SH3GL2: variants seen among roughly 807,000 people sequenced by gnomAD.
SH3GL2 encodes endophilin-A1.
SH3GL2 carries 24 observed loss-of-function variants against 46.0 expected under a neutral mutation model. That is an observed-to-expected ratio of 0.52 (90% CI 0.38 to 0.73). SH3GL2 has a LOEUF of 0.73. Among genes scored for constraint, SH3GL2 ranks in the 30% least tolerant of loss-of-function variants. The probability of loss-of-function intolerance (pLI) is 0.00; values close to 1 mark genes in which losing one functional copy is unlikely to be tolerated. For missense variants in SH3GL2, 413 were observed against 424.2 expected, an observed-to-expected ratio of 0.97 and a Z score of 0.23; for synonymous variants, 196 against 147.1, an observed-to-expected ratio of 1.33 and a Z score of -2.40.
At chr9:17,731,727 C>T (rs1482247107) in intron 1 of SH3GL2, among the ~76,000 whole-genome samples, 5 of 152,128 alleles carry the variant, frequency 3.3e-5, no homozygotes, top group African/African-American at 9.7e-5. Context: ...AGGATGGAAG[C>T]CTTAGTTTAG....
At chr9:17,649,003 G>T (rs1159902952) in intron 1 of SH3GL2, among the ~76,000 whole-genome samples, 1 of 152,162 alleles carries the variant, frequency 6.6e-6, no homozygotes, top group Non-Finnish European at 1.5e-5. Context: ...GTATGATGTT[G>T]TGTGTGAGTG....
intron 1 of SH3GL2, among the ~76,000 whole-genome samples, chr9:17,667,675 A>G (rs1820380209): frequency 6.6e-6 from 1 of 152,076 alleles, no homozygotes; most frequent in African/African-American, 2.4e-5. Flanking sequence ...ATATACCTTG[A>G]GGTGGAACTA....
chr9:17,594,929 C>T (rs1375080319), intron 1 of SH3GL2, among the ~76,000 whole-genome samples: 1 of 152,294 alleles, frequency 6.6e-6, no homozygotes, highest in Non-Finnish European at 1.5e-5. Context: ...GCTTAAAATA[C>T]ATCACCGATT....
In SH3GL2 at chr9:17,579,301, C is replaced by A; in HGVS notation, c.45+14C>A. 6.4e-7 allele frequency: 1 copy of A among 1,552,646 alleles called. No homozygotes were observed. ...AAAGCCACTCAGGTAAGGCGCGCGG[C>A]AGGTGCGTCCCGGGGCAGTCCGGGG... On this transcript the variant is annotated intron_variant, in intron 1 of 8. Coordinates refer to ENST00000380607, the MANE Select transcript of SH3GL2 (RefSeq NM_003026.5).
At chr9:17,606,803 A>T (rs1193968591) in intron 1 of SH3GL2, among the ~76,000 whole-genome samples, 1 of 152,182 alleles carries the variant, frequency 6.6e-6, no homozygotes, top group African/African-American at 2.4e-5. Context: ...CACAACCAAG[A>T]AATAAAATTA....
intron 1 of SH3GL2, among the ~76,000 whole-genome samples, chr9:17,644,915 CA>C (rs1325302231): frequency 7.2e-6 from 1 of 138,812 alleles, no homozygotes; most frequent in Non-Finnish European, 1.6e-5. Flanking sequence ...CTAATATTGA[CA>C]GTGGGGTGTT....
At chr9:17,620,526 A>G (rs369511180) in intron 1 of SH3GL2, among the ~76,000 whole-genome samples, 2 of 152,186 alleles carry the variant, frequency 1.3e-5, no homozygotes, top group Non-Finnish European at 2.9e-5. Context: ...ACATGCAACT[A>G]CTAACCAAGG....
At chr9:17,706,532 C>A (rs899981479) in intron 1 of SH3GL2, among the ~76,000 whole-genome samples, 1 of 151,992 alleles carries the variant, frequency 6.6e-6, no homozygotes, top group Non-Finnish European at 1.5e-5. Flanking sequence ...CTTTTCTTGC[C>A]ATGGTAAACT....
At chr9:17,625,668 T>G (rs978945409) in intron 1 of SH3GL2, among the ~76,000 whole-genome samples, 8 of 152,220 alleles carry the variant, frequency 5.3e-5, no homozygotes, top group African/African-American at 1.9e-4. Flanking sequence ...CACTTCTGCC[T>G]CTTTGTGCTT....
intron 3 of SH3GL2, among the ~76,000 whole-genome samples, chr9:17,769,005 A>G (rs573618313): frequency 1.8e-4 from 28 of 152,214 alleles, no homozygotes; most frequent in Admixed American, 5.9e-4. Flanking sequence ...CACAGGCACT[A>G]TTGTTCATGG....
intron 1 of SH3GL2, among the ~76,000 whole-genome samples, chr9:17,595,080 A>G (rs1429141108): frequency 6.6e-6 from 1 of 152,172 alleles, no homozygotes; most frequent in Admixed American, 6.5e-5. Context: ...CCCTATGAAC[A>G]TTATTATCCC....
Position 17,787,423 on chromosome 9 carries a change from G to C in SH3GL2, c.375G>C (p.Ser125=). ...GEVGEAMREL[S]EVKDSLDIEV... ...TCGGGGAGGCCATGCGGGAACTGTC[G>C]GAGGTCAAAGACTCTTTGGACATAG... The change falls in exon 5 of 9, where the codon TCG becomes TCC. Residue 125 remains serine (S), a synonymous_variant. Transcript: ENST00000380607. 1 of 1,612,276 alleles carries C rather than the reference G, an allele frequency of 6.2e-7. No individual in the cohort carries two copies. Among genetic ancestry groups the C allele is most frequent in the South Asian group, 1.1e-5 (1 of 91,048 alleles).
In SH3GL2 at chr9:17,727,628, A is replaced by C. The variant is rs577134597; in HGVS notation, c.46-19438A>C. On this transcript the variant is annotated intron_variant, in intron 1 of 8. Coordinates refer to ENST00000380607, the MANE Select transcript of SH3GL2 (RefSeq NM_003026.5). Reference sequence around the variant, plus strand: ...CTGGGGGCAGCCTGAAACATCAGGGATTAACACACTGGAGGCAACCACAGC... The same window carrying C: ...CTGGGGGCAGCCTGAAACATCAGGGCTTAACACACTGGAGGCAACCACAGC... Among the ~76,000 whole-genome samples, 558 of 152,208 alleles carry C rather than the reference A, an allele frequency of 3.7e-3. 2 individuals carry two copies. Among genetic ancestry groups the C allele is most frequent in the African/African-American group, 0.013 (543 of 41,534 alleles).
chr9:17,763,194 C>G (rs1450087155), intron 3 of SH3GL2, among the ~76,000 whole-genome samples: 1 of 152,094 alleles, frequency 6.6e-6, no homozygotes, highest in Non-Finnish European at 1.5e-5. Flanking sequence ...TTCATTGTAA[C>G]ACAAATTATC....
chr9:17,786,726 C>T (rs897868452), intron 4 of SH3GL2, among the ~76,000 whole-genome samples: 1 of 151,838 alleles, frequency 6.6e-6, no homozygotes. Context: ...TTCTTCCCAC[C>T]CCCCCCACTA....
At chr9:17,720,302 A>G (rs1821862302) in intron 1 of SH3GL2, among the ~76,000 whole-genome samples, 2 of 152,172 alleles carry the variant, frequency 1.3e-5, no homozygotes, top group African/African-American at 2.4e-5. Flanking sequence ...GATTGTTAAA[A>G]GAAAAACCTT....
intron 1 of SH3GL2, among the ~76,000 whole-genome samples, chr9:17,645,182 T>TTTTTTTTTTTTTTTTTTTTA (rs1819781790): frequency 1.9e-4 from 14 of 72,760 alleles, no homozygotes; most frequent in South Asian, 1.1e-3. Flanking sequence ...TTTTTTTTTT[T>TTTTTTTTTTTTTTTTTTTTA]GCTTTCCATT....
At chr9:17,665,616 C>T (rs1470062104) in intron 1 of SH3GL2, among the ~76,000 whole-genome samples, 1 of 151,964 alleles carries the variant, frequency 6.6e-6, no homozygotes, top group Admixed American at 6.6e-5. Context: ...CAAATCTGGC[C>T]AGTAAGAGCC....
intron 3 of SH3GL2, among the ~76,000 whole-genome samples, chr9:17,773,935 A>C (rs1416366198): frequency 1.3e-5 from 2 of 152,080 alleles, no homozygotes; most frequent in Non-Finnish European, 2.9e-5. Flanking sequence ...TGAACATGGG[A>C]TGTATTTCCA....
Sources: allele counts gnomAD v4.1 joint callset (sites outside exome capture counted in the v4.1 genomes callset), GRCh38; gene constraint gnomAD v4.1.1; transcripts MANE v1.5; gene names NCBI Gene and HGNC (gene_info 2026-07-23, HGNC 2026-07-21).